ARHGAP15: variants seen among roughly 807,000 people sequenced by gnomAD.
ARHGAP15 encodes rho GTPase-activating protein 15.
In ARHGAP15, 51 loss-of-function variants were observed where a neutral mutation model predicts 63.7. The observed-to-expected ratio is 0.80, with a 90% CI of 0.64 to 1.01. ARHGAP15 has a LOEUF of 1.01. ARHGAP15 is among the 50% of genes least tolerant of loss of function. ARHGAP15 has a pLI of 0.00. For missense variants in ARHGAP15, 560 were observed against 564.6 expected (o/e 0.99, Z 0.08); for synonymous variants, 191 against 193.8 (o/e 0.99, Z 0.12).
intron 6 of ARHGAP15, among the ~76,000 whole-genome samples, chr2:143,390,506 G>A (rs1379025801): frequency 1.3e-5 from 2 of 152,106 alleles, no homozygotes; most frequent in South Asian, 4.1e-4. Context: ...CTGTGATGCT[G>A]AGATTTAATT....
At chr2:143,551,350 T>A (rs1451434479) in intron 10 of ARHGAP15, among the ~76,000 whole-genome samples, 1 of 152,106 alleles carries the variant, frequency 6.6e-6, no homozygotes, top group East Asian at 1.9e-4. Context: ...AAGATAGGTT[T>A]CACTATGTTG....
intron 13 of ARHGAP15, among the ~76,000 whole-genome samples, chr2:143,724,995 A>G (rs369011089): frequency 7.9e-5 from 12 of 152,324 alleles, no homozygotes; most frequent in African/African-American, 2.9e-4. Flanking sequence ...AGATAACTCA[A>G]GTTCCTCAGG....
At chr2:143,338,305 G>A (rs964419515) in intron 6 of ARHGAP15, among the ~76,000 whole-genome samples, 1 of 152,134 alleles carries the variant, frequency 6.6e-6, no homozygotes, top group Non-Finnish European at 1.5e-5. Context: ...TTTCATGGTA[G>A]CTAACAAATT....
chr2:143,478,468 C>T (rs1174264969), intron 8 of ARHGAP15, among the ~76,000 whole-genome samples: 2 of 152,172 alleles, frequency 1.3e-5, no homozygotes, highest in South Asian at 2.1e-4. Flanking sequence ...TCCTTAGACA[C>T]GGTGACAGCA....
Position 143,599,247 on chromosome 2 carries a change from C to T in ARHGAP15, c.1004-24886C>T, listed in dbSNP as rs151305356. On this transcript the variant is annotated intron_variant, in intron 11 of 13. Transcript: ENST00000295095. ...ACCTAGATGCTTCTACAAGGAAGAA[C>T]AAAAAACCATGTTAATGAACTCAGA... Among the ~76,000 whole-genome samples, 92 of 152,160 alleles carry T rather than the reference C, an allele frequency of 6.0e-4. 1 individual carries two copies. The Middle Eastern group carries it at 0.024, about 39-fold the overall frequency.
intron 8 of ARHGAP15, among the ~76,000 whole-genome samples, chr2:143,455,454 A>T (rs567072684): frequency 1.3e-5 from 2 of 152,094 alleles, no homozygotes; most frequent in African/African-American, 2.4e-5. Context: ...TCATCCTGTG[A>T]CTAAGAATAT....
intron 12 of ARHGAP15, among the ~76,000 whole-genome samples, chr2:143,660,245 C>T (rs1681687548): frequency 6.6e-6 from 1 of 152,208 alleles, no homozygotes; most frequent in African/African-American, 2.4e-5. Flanking sequence ...CCTCCTTCCT[C>T]CTCCACATTC....
intron 6 of ARHGAP15, among the ~76,000 whole-genome samples, chr2:143,355,209 A>C (rs959091626): frequency 2.0e-5 from 3 of 152,192 alleles, no homozygotes; most frequent in African/African-American, 7.2e-5. Flanking sequence ...TTAGAATTGC[A>C]ATTCCATACA....
At chr2:143,556,232 CTG>C (rs1695792104) in intron 10 of ARHGAP15, among the ~76,000 whole-genome samples, 174 bp from the exon 11 acceptor site, 1 of 152,078 alleles carries the variant, frequency 6.6e-6, no homozygotes, top group African/African-American at 2.4e-5. Context: ...TTAATTAAGA[CTG>C]AACACCATGA....
At chr2:143,419,146 C>A (rs1208429221) in intron 6 of ARHGAP15, among the ~76,000 whole-genome samples, 1 of 36,642 alleles carries the variant, frequency 2.7e-5, no homozygotes. Flanking sequence ...GTAAGAAATT[C>A]TAAGAAAAAA....
chr2:143,290,722 AC>A (rs1255641368), intron 6 of ARHGAP15, among the ~76,000 whole-genome samples: 2 of 152,146 alleles, frequency 1.3e-5, no homozygotes, highest in Non-Finnish European at 2.9e-5. Flanking sequence ...AGGAGGAGGA[AC>A]AGGGAGCCTG....
intron 6 of ARHGAP15, among the ~76,000 whole-genome samples, chr2:143,378,455 C>T (rs1018114270): frequency 2.0e-5 from 3 of 152,008 alleles, no homozygotes; most frequent in Non-Finnish European, 4.4e-5. Context: ...TAGTAATATA[C>T]TGGATCAAAC....
intron 11 of ARHGAP15, among the ~76,000 whole-genome samples, chr2:143,599,783 A>G (rs1406182379): frequency 1.3e-5 from 2 of 152,116 alleles, no homozygotes; most frequent in Admixed American, 1.3e-4. Flanking sequence ...GACACGGATC[A>G]CTTTTCTCTA....
At chr2:143,144,379 A>G (rs975878096) in intron 1 of ARHGAP15, among the ~76,000 whole-genome samples, 3 of 152,164 alleles carry the variant, frequency 2.0e-5, no homozygotes, top group African/African-American at 4.8e-5. Context: ...CCAACAGTGT[A>G]CAAGCATTCC....
chr2:143,261,870 G>A (rs1333591087), intron 6 of ARHGAP15, among the ~76,000 whole-genome samples: 1 of 152,144 alleles, frequency 6.6e-6, no homozygotes, highest in East Asian at 1.9e-4. Context: ...GTTGGTCATA[G>A]GGTAGCTAGG....
intron 2 of ARHGAP15, among the ~76,000 whole-genome samples, chr2:143,188,848 AC>A (rs1691555187): frequency 6.6e-6 from 1 of 151,416 alleles, no homozygotes; most frequent in Admixed American, 6.6e-5. Context: ...CTGGTCTCGA[AC>A]CCCTGACCTT....
At chr2:143,320,403 T>TCC (rs200994141) in intron 6 of ARHGAP15, among the ~76,000 whole-genome samples, 181 of 8,974 alleles carry the variant, frequency 0.02, 8 homozygotes, top group African/African-American at 0.037. Context: ...AATCAGGACT[T>TCC]CCCCACCCCC....
At chr2:143,622,020 T>TTG (rs895719161) in intron 11 of ARHGAP15, among the ~76,000 whole-genome samples, 15 of 149,258 alleles carry the variant, frequency 1.0e-4, no homozygotes, top group Admixed American at 5.3e-4. Context: ...GTGTGTGTGT[T>TTG]TGTGTGTGTG....
intron 12 of ARHGAP15, among the ~76,000 whole-genome samples, chr2:143,690,642 AT>A (rs1201036529): frequency 1.3e-5 from 2 of 151,958 alleles, no homozygotes; most frequent in African/African-American, 4.8e-5. Context: ...ATTTGGGGAA[AT>A]TTTTTTTCAC....
Sources: gnomAD v4.1 joint callset for allele counts (sites outside exome capture counted in the v4.1 genomes callset) on GRCh38, gnomAD v4.1.1 for gene constraint, MANE v1.5 for transcripts, NCBI Gene and HGNC (gene_info 2026-07-23, HGNC 2026-07-21) for gene names.